TTC28: variants seen among roughly 807,000 people sequenced by gnomAD.
TTC28 encodes tetratricopeptide repeat protein 28.
TTC28 carries 61 observed loss-of-function variants against 198.0 expected under a neutral mutation model. The ratio of observed to expected loss-of-function variants is 0.31; its 90% CI spans 0.25 to 0.38. TTC28 has a LOEUF of 0.38. Ranked by LOEUF, TTC28 falls within the 10% of genes least tolerant of loss-of-function variation. The pLI is 1.00. For synonymous variants in TTC28, 1,171 were observed against 1,297.8 expected (o/e 0.90, Z 2.10); for missense variants, 2,678 against 3,164.0 (o/e 0.85, Z 3.69).
chr22:28,269,129 T>TA (rs1931882221), intron 5 of TTC28, among the ~76,000 whole-genome samples: 2 of 152,076 alleles, frequency 1.3e-5, no homozygotes, highest in Non-Finnish European at 2.9e-5. Context: ...TTATTATACC[T>TA]AGTTTATGAT....
At chr22:28,053,747 C>A (rs1365369736) in intron 12 of TTC28, among the ~76,000 whole-genome samples, 3 of 152,064 alleles carry the variant, frequency 2.0e-5, no homozygotes, top group Non-Finnish European at 4.4e-5. Flanking sequence ...CAGCTACATT[C>A]CTCTTTTCTT....
intron 5 of TTC28, among the ~76,000 whole-genome samples, chr22:28,295,847 A>C (rs1246604299): frequency 6.6e-6 from 1 of 152,214 alleles, no homozygotes; most frequent in East Asian, 1.9e-4. Context: ...ATCTAAAAAA[A>C]CCAATGTTTG....
At chr22:28,278,356 T>C (rs2044513293) in intron 5 of TTC28, among the ~76,000 whole-genome samples, 1 of 152,232 alleles carries the variant, frequency 6.6e-6, no homozygotes, top group Non-Finnish European at 1.5e-5. Context: ...GTAATCATTA[T>C]TTTAAATGAC....
At chr22:28,390,810 G>A (rs2146064448) in intron 2 of TTC28, among the ~76,000 whole-genome samples, 1 of 152,266 alleles carries the variant, frequency 6.6e-6, no homozygotes, top group East Asian at 1.9e-4. Flanking sequence ...TTGCCAGTCT[G>A]TGTCTTTTAA....
intron 2 of TTC28, among the ~76,000 whole-genome samples, chr22:28,514,146 T>C (rs2146402968): frequency 6.6e-6 from 1 of 152,342 alleles, no homozygotes; most frequent in Admixed American, 6.5e-5. Context: ...CTATCTTATA[T>C]GTCATAAATT....
chr22:28,662,970 C>T (rs991445564), intron 1 of TTC28, among the ~76,000 whole-genome samples: 3 of 151,880 alleles, frequency 2.0e-5, no homozygotes, highest in African/African-American at 7.2e-5. Context: ...AAACTTCCAC[C>T]GGGCGCGGTG....
At chr22:28,485,402 ACTG>A (rs2048303303) in intron 2 of TTC28, among the ~76,000 whole-genome samples, 1 of 152,140 alleles carries the variant, frequency 6.6e-6, no homozygotes, top group Non-Finnish European at 1.5e-5. Context: ...AAATATATAA[ACTG>A]CTATCTTAAC....
At chr22:28,152,084 G>A (rs1266542660) in intron 6 of TTC28, among the ~76,000 whole-genome samples, 1 of 152,034 alleles carries the variant, frequency 6.6e-6, no homozygotes, top group African/African-American at 2.4e-5. Context: ...TATGAATTTG[G>A]GCCAGTACCT....
At chr22:28,403,500 T>C (rs946968285) in intron 2 of TTC28, among the ~76,000 whole-genome samples, 1 of 152,182 alleles carries the variant, frequency 6.6e-6, no homozygotes, top group African/African-American at 2.4e-5. Flanking sequence ...TTTGCTAACA[T>C]TTATTCATGT....
chr22:28,563,303 T>C (rs1178982414), intron 2 of TTC28, among the ~76,000 whole-genome samples: 1 of 152,226 alleles, frequency 6.6e-6, no homozygotes, highest in Non-Finnish European at 1.5e-5. Context: ...TTGCTAAAGA[T>C]AACCTGATTG....
At chr22:28,292,252 A>C (rs540223515) in intron 5 of TTC28, among the ~76,000 whole-genome samples, 1 of 152,152 alleles carries the variant, frequency 6.6e-6, no homozygotes, top group Non-Finnish European at 1.5e-5. Context: ...CAATGGTGTG[A>C]ACTTGGCCCA....
intron 2 of TTC28, among the ~76,000 whole-genome samples, chr22:28,484,964 C>A (rs1227988285): frequency 6.6e-6 from 1 of 152,142 alleles, no homozygotes; most frequent in Non-Finnish European, 1.5e-5. Context: ...TAGAATGGTT[C>A]TCAAAGTCCA....
intron 2 of TTC28, among the ~76,000 whole-genome samples, chr22:28,385,754 C>A (rs1196398099): frequency 6.6e-6 from 1 of 152,124 alleles, no homozygotes; most frequent in Non-Finnish European, 1.5e-5. Context: ...TAAAATACTA[C>A]AATTTAGCTC....
chr22:28,412,974 A>ATT (rs2047105831), intron 2 of TTC28, among the ~76,000 whole-genome samples: 1 of 152,264 alleles, frequency 6.6e-6, no homozygotes, highest in Admixed American at 6.5e-5. Flanking sequence ...ACAATGAAAT[A>ATT]TTTACTAGAG....
intron 3 of TTC28, among the ~76,000 whole-genome samples, chr22:28,299,319 A>C (rs1039147019): frequency 6.6e-6 from 1 of 152,140 alleles, no homozygotes; most frequent in Non-Finnish European, 1.5e-5. Context: ...TTAAAATGTA[A>C]TTTTTACAAT....
intron 12 of TTC28, among the ~76,000 whole-genome samples, chr22:28,055,597 C>T (rs911946680): frequency 1.4e-4 from 21 of 152,154 alleles, no homozygotes; most frequent in Admixed American, 6.5e-5. Context: ...AGTTTTAAGG[C>T]TCACAACAAC....
chr22:28,059,620 A>T (rs1940430145), intron 12 of TTC28, among the ~76,000 whole-genome samples: 1 of 152,016 alleles, frequency 6.6e-6, no homozygotes, highest in African/African-American at 2.4e-5. Context: ...AATTATAGCT[A>T]TTATTTATCA....
At chr22:28,320,264 G>GTT (rs112265077) in intron 2 of TTC28, among the ~76,000 whole-genome samples, 15 of 141,188 alleles carry the variant, frequency 1.1e-4, no homozygotes, top group African/African-American at 2.1e-4. Context: ...AATTCTCTAG[G>GTT]TTTTTTTTTT....
chr22:28,553,735 G>C (rs1272929142), intron 2 of TTC28, among the ~76,000 whole-genome samples: 1 of 150,496 alleles, frequency 6.6e-6, no homozygotes, highest in South Asian at 2.1e-4. Context: ...CAACTGCCCC[G>C]TCCGGGAGGG....
Sources: gnomAD v4.1 joint callset for allele counts (sites outside exome capture counted in the v4.1 genomes callset) on GRCh38, gnomAD v4.1.1 for gene constraint, MANE v1.5 for transcripts, NCBI Gene and HGNC (gene_info 2026-07-23, HGNC 2026-07-21) for gene names.